RNF152: variants seen among roughly 807,000 people sequenced by gnomAD.
RNF152 encodes the protein ring finger protein 152.
A neutral mutation model predicts 12.7 loss-of-function variants in RNF152; 11 were observed. The observed-to-expected ratio is 0.86, with a 90% CI of 0.54 to 1.43. The LOEUF (loss-of-function observed/expected upper bound fraction) is 1.43. Among genes scored for constraint, RNF152 ranks in the 40% most tolerant of loss-of-function variants. RNF152 has a pLI of 0.00. For synonymous variants in RNF152, 113 were observed against 120.3 expected (o/e 0.94, Z 0.40); for missense variants, 255 against 274.8 (o/e 0.93, Z 0.51).
chr18:61,870,896 C>G (rs1387735460), intron 1 of RNF152, among the ~76,000 whole-genome samples: 2 of 152,102 alleles, frequency 1.3e-5, no homozygotes, highest in East Asian at 3.9e-4. Flanking sequence ...TTCCATCCCC[C>G]AAATCAGTTC....
At chr18:61,832,664 C>T (rs8094305) in intron 1 of RNF152, among the ~76,000 whole-genome samples, 69,432 of 151,872 alleles carry the variant, frequency 0.46, 16,350 homozygotes, top group Non-Finnish European at 0.53. Context: ...TACCTGTGAA[C>T]TAAAAAAACA....
At position 61,809,751 on chromosome 18, in the gene RNF152, AC is replaced by A. The variant is rs763905504; in HGVS notation, c.*6100del. 1 of 151,830 alleles carries A rather than the reference AC, an allele frequency of 6.6e-6. No homozygotes were observed. Among genetic ancestry groups the A allele is most frequent in the East Asian group, 1.9e-4 (1 of 5,164 alleles). The allele number at this position is 151,830 out of a possible 1,614,324, so 9.4% of individuals were successfully genotyped here. ...TATCATAGTATGAATAATATAAAAAACCTTAGATTAGAATAATAAAATCGAG... is the reference window on the plus strand; with the variant it reads ...TATCATAGTATGAATAATATAAAAAACTTAGATTAGAATAATAAAATCGAG... On this transcript the variant is annotated 3_prime_UTR_variant, in exon 2 of 2. Coordinates refer to ENST00000312828, the MANE Select transcript of RNF152 (RefSeq NM_173557.3).
intron 1 of RNF152, among the ~76,000 whole-genome samples, chr18:61,878,713 T>C (rs992119330): frequency 6.6e-6 from 1 of 152,232 alleles, no homozygotes; most frequent in African/African-American, 2.4e-5. Flanking sequence ...TGACACCTTA[T>C]TGTTGTGTCC....
intron 1 of RNF152, among the ~76,000 whole-genome samples, chr18:61,828,757 C>T (rs975281245): frequency 6.6e-6 from 1 of 152,176 alleles, no homozygotes; most frequent in African/African-American, 2.4e-5. Flanking sequence ...AATGTAGGCA[C>T]ATTCAAATGC....
intron 1 of RNF152, among the ~76,000 whole-genome samples, chr18:61,821,529 C>T (rs1003268136): frequency 1.3e-5 from 2 of 152,242 alleles, no homozygotes; most frequent in South Asian, 4.1e-4. Flanking sequence ...TGTGCATCAA[C>T]TATAGAAGAA....
At chr18:61,859,880 A>AAAAAGAAAAGAAAAG (rs146200073) in intron 1 of RNF152, among the ~76,000 whole-genome samples, 2,930 of 151,190 alleles carry the variant, frequency 0.019, 108 homozygotes, top group African/African-American at 0.068. Context: ...ACCTCAAAGA[A>AAAAAGAAAAGAAAAG]AAAAGAAAAG....
At chr18:61,819,377 A>C (rs1205725291) in intron 1 of RNF152, among the ~76,000 whole-genome samples, 2 of 152,218 alleles carry the variant, frequency 1.3e-5, no homozygotes, top group African/African-American at 4.8e-5. Flanking sequence ...GCAATGGGAA[A>C]ACACCAGAAA....
chr18:61,833,359 T>A (rs1910037963), intron 1 of RNF152, among the ~76,000 whole-genome samples: 1 of 152,226 alleles, frequency 6.6e-6, no homozygotes, highest in Admixed American at 6.5e-5. Context: ...AAATTTAACC[T>A]ACATTAGAAA....
At chr18:61,855,479 G>T (rs1209942553) in intron 1 of RNF152, among the ~76,000 whole-genome samples, 1 of 152,242 alleles carries the variant, frequency 6.6e-6, no homozygotes, top group Non-Finnish European at 1.5e-5. Context: ...CCCCTTTGGG[G>T]CTCTGCAATT....
intron 1 of RNF152, among the ~76,000 whole-genome samples, chr18:61,857,038 C>T (rs142918688): frequency 6.6e-6 from 1 of 152,282 alleles, no homozygotes; most frequent in South Asian, 2.1e-4. Context: ...GAGAAACCAG[C>T]ATTATTCAGT....
intron 1 of RNF152, among the ~76,000 whole-genome samples, chr18:61,855,856 G>T (rs1483490920): frequency 6.6e-6 from 1 of 152,150 alleles, no homozygotes; most frequent in Non-Finnish European, 1.5e-5. Context: ...GTTTCCGGCT[G>T]GTGACTCCCA....
chr18:61,829,572 G>A (rs1379405543), intron 1 of RNF152, among the ~76,000 whole-genome samples: 1 of 146,030 alleles, frequency 6.8e-6, no homozygotes, highest in African/African-American at 2.5e-5. Context: ...GAGAGATTGG[G>A]GGAAGGAGAG....
intron 1 of RNF152, among the ~76,000 whole-genome samples, chr18:61,843,808 G>T (rs1045293914): frequency 6.6e-6 from 1 of 152,078 alleles, no homozygotes; most frequent in Non-Finnish European, 1.5e-5. Flanking sequence ...AATGGGGAAA[G>T]AGGACTTATT....
intron 1 of RNF152, among the ~76,000 whole-genome samples, chr18:61,839,294 T>C (rs1910337066): frequency 6.6e-6 from 1 of 152,364 alleles, no homozygotes; most frequent in Middle Eastern, 3.4e-3. Context: ...CATTTACTTG[T>C]CATAATCCTT....
chr18:61,847,463 C>T (rs1183128872), intron 1 of RNF152, among the ~76,000 whole-genome samples: 1 of 152,198 alleles, frequency 6.6e-6, no homozygotes, highest in Non-Finnish European at 1.5e-5. Context: ...CGCAAGTGTC[C>T]TTGAATCTGT....
At chr18:61,886,991 T>C (rs1473973817) in intron 1 of RNF152, among the ~76,000 whole-genome samples, 1 of 152,192 alleles carries the variant, frequency 6.6e-6, no homozygotes, top group East Asian at 1.9e-4. Flanking sequence ...GATGATAGGA[T>C]AGAGGCAGAG....
At chr18:61,850,306 T>A (rs924292553) in intron 1 of RNF152, among the ~76,000 whole-genome samples, 1 of 152,228 alleles carries the variant, frequency 6.6e-6, no homozygotes, top group Non-Finnish European at 1.5e-5. Flanking sequence ...CCTTGACATA[T>A]CATCTGGCAC....
chr18:61,871,633 G>T (rs1185244207), intron 1 of RNF152, among the ~76,000 whole-genome samples: 1 of 152,152 alleles, frequency 6.6e-6, no homozygotes, highest in Non-Finnish European at 1.5e-5. Flanking sequence ...CTATTCTGCA[G>T]GTTGTGGGAT....
At chr18:61,818,206 T>C (rs1284127485) in intron 1 of RNF152, among the ~76,000 whole-genome samples, 1 of 152,172 alleles carries the variant, frequency 6.6e-6, no homozygotes, top group Admixed American at 6.5e-5. Flanking sequence ...GGGAATCGTT[T>C]GAGCTCAGGA....
Sources: gnomAD v4.1 joint callset for allele counts (sites outside exome capture counted in the v4.1 genomes callset) on GRCh38, gnomAD v4.1.1 for gene constraint, MANE v1.5 for transcripts, NCBI Gene and HGNC (gene_info 2026-07-23, HGNC 2026-07-21) for gene names.